The following TXNDC12 variants were observed in gnomAD, a reference collection of about 807,000 sequenced individuals.
The protein encoded by TXNDC12 is thioredoxin domain-containing protein 12.
A neutral mutation model predicts 24.2 loss-of-function variants in TXNDC12; 22 were observed. The observed-to-expected ratio is 0.91, with a 90% CI of 0.65 to 1.30. The LOEUF (loss-of-function observed/expected upper bound fraction) is 1.30. TXNDC12 is among the 50% of genes most tolerant of loss of function. TXNDC12 has a pLI of 0.00. For synonymous variants in TXNDC12, 58 were observed against 73.4 expected, an observed-to-expected ratio of 0.79 and a Z score of 1.07; for missense variants, 184 against 205.8, an observed-to-expected ratio of 0.89 and a Z score of 0.65.
At chr1:52,047,049 A>G (rs975840364) in intron 1 of TXNDC12, among the ~76,000 whole-genome samples, 1 of 151,938 alleles carries the variant, frequency 6.6e-6, no homozygotes, top group Non-Finnish European at 1.5e-5. Context: ...TCTCTAAAAG[A>G]AAAGAATTTT....
intron 2 of TXNDC12, chr1:52,034,095 C>T (rs755902658): frequency 1.6e-6 from 2 of 1,245,540 alleles, no homozygotes; most frequent in Non-Finnish European, 2.0e-6. Flanking sequence ...CTATATTTAG[C>T]ATATAGAAGG....
At chr1:52,032,776 G>A in intron 2 of TXNDC12, 1 of 1,614,216 alleles carries the variant, frequency 6.2e-7, no homozygotes. Context: ...ATGCATTTTA[G>A]TGTACGAAAT....
chr1:52,052,698 T>G (rs967216900), intron 1 of TXNDC12: 4 of 152,570 alleles, frequency 2.6e-5, no homozygotes, highest in Non-Finnish European at 4.4e-5. Context: ...CACTAAATTT[T>G]GGAGTGATTT....
chr1:52,043,731 T>A (rs115742433), intron 1 of TXNDC12, among the ~76,000 whole-genome samples: 203 of 152,354 alleles, frequency 1.3e-3, no homozygotes, highest in African/African-American at 4.5e-3. Context: ...AGAAGTTACA[T>A]CACCTGTACT....
In TXNDC12 at chr1:52,023,572, G is replaced by C. The variant is rs1454666621; in HGVS notation, c.358C>G (p.Pro120Ala). The C allele has an allele frequency of 6.2e-7, 1 of 1,612,674 alleles. No individual in the cohort carries two copies. The highest frequency in any genetic ancestry group is 8.5e-7 in the Non-Finnish European group (1 of 1,178,974). ...GYIPRILFLDPSGKVHPEIIN... is the reference protein window; with the variant it reads ...GYIPRILFLDASGKVHPEIIN... ...ATTTCAGGATGCACCTTGCCACTGG[G>C]ATCTGTTATAGACAAAATGACACAG... is the stretch of plus-strand genomic sequence containing the variant. The change falls in exon 6 of 7, where the codon CCC becomes GCC. Residue 120 changes from proline (P) to alanine (A), a missense_variant and splice_region_variant. Pro to Ala is a conservative substitution (Grantham distance 27). Coordinates refer to ENST00000371626, the MANE Select transcript of TXNDC12 (RefSeq NM_015913.4).
At chr1:52,045,812 A>C (rs998313050) in intron 1 of TXNDC12, among the ~76,000 whole-genome samples, 5 of 152,130 alleles carry the variant, frequency 3.3e-5, no homozygotes, top group Non-Finnish European at 5.9e-5. Flanking sequence ...AGATAAGCTG[A>C]GTGATTTTTC....
chr1:52,046,222 T>C (rs1572010438), intron 1 of TXNDC12, among the ~76,000 whole-genome samples: 1 of 148,380 alleles, frequency 6.7e-6, no homozygotes, highest in East Asian at 2.0e-4. Flanking sequence ...ACACAGTTTG[T>C]GGTACTTTCT....
chr1:52,053,044 G>C (rs1429805294), intron 1 of TXNDC12, among the ~76,000 whole-genome samples: 1 of 149,426 alleles, frequency 6.7e-6, no homozygotes, highest in Non-Finnish European at 1.5e-5. Flanking sequence ...AGGAGTTTGA[G>C]ATCAGCCTGG....
In TXNDC12 at chr1:52,024,530, A is replaced by G; in HGVS notation, c.335T>C (p.Ile112Thr). The G allele has an allele frequency of 3.1e-6, 5 of 1,613,138 alleles. No homozygotes were observed. The highest frequency in any genetic ancestry group is 4.2e-6 in the Non-Finnish European group (5 of 1,179,322). The part of the protein sequence containing the change: ...DEDFSPDGGY[I>T]PRILFLDPSG... ...CTTACCCAGAAAAAGGATTCGTGGA[A>G]TATAACCCCCGTCAGGGCTGAAATC... Residue 112 changes from isoleucine (I) to threonine (T), a missense_variant, in exon 5 of 7, where the codon ATT becomes ACT. Coordinates refer to ENST00000371626, the MANE Select transcript of TXNDC12 (RefSeq NM_015913.4).
At chr1:52,033,185 C>G (rs1359926865) in intron 2 of TXNDC12, 1 of 1,614,252 alleles carries the variant, frequency 6.2e-7, no homozygotes, top group South Asian at 1.1e-5. Context: ...GCAGATTTCT[C>G]TGAATCCGGA....
intron 2 of TXNDC12, chr1:52,033,177 A>C: frequency 6.2e-7 from 1 of 1,614,242 alleles, no homozygotes; most frequent in Non-Finnish European, 8.5e-7. Context: ...CATGCTTTGC[A>C]GATTTCTCTG....
intron 4 of TXNDC12, among the ~76,000 whole-genome samples, chr1:52,025,012 T>G (rs1685652604): frequency 6.6e-6 from 1 of 152,234 alleles, no homozygotes; most frequent in East Asian, 1.9e-4. Context: ...TGACATATTC[T>G]AAAATACTTA....
At chr1:52,033,521 G>A (rs1289040512) in intron 2 of TXNDC12, 2 of 1,613,876 alleles carry the variant, frequency 1.2e-6, no homozygotes. Context: ...ATGTAGTTAA[G>A]CGAGTCCAGG....
chr1:52,037,207 C>CTTTTTTT (rs34590025), intron 2 of TXNDC12, among the ~76,000 whole-genome samples: 1 of 123,554 alleles, frequency 8.1e-6, no homozygotes, highest in Non-Finnish European at 1.7e-5. Flanking sequence ...AATAGACCAC[C>CTTTTTTT]TTTTTTTTTT....
chr1:52,039,609 G>A (rs981322916), intron 2 of TXNDC12, among the ~76,000 whole-genome samples: 7 of 152,204 alleles, frequency 4.6e-5, no homozygotes, highest in Non-Finnish European at 7.3e-5. Flanking sequence ...GGGATTACAG[G>A]TGTGAGCCAC....
chr1:52,035,635 C>T (rs1361159102), intron 2 of TXNDC12, among the ~76,000 whole-genome samples: 1 of 152,090 alleles, frequency 6.6e-6, no homozygotes, highest in African/African-American at 2.4e-5. Flanking sequence ...TTGCTTGAAC[C>T]CGGGATGCGG....
At chr1:52,031,678 A>G (rs769657502) in intron 2 of TXNDC12, among the ~76,000 whole-genome samples, 1 of 152,014 alleles carries the variant, frequency 6.6e-6, no homozygotes, top group African/African-American at 2.4e-5. Context: ...GTTAATAGAG[A>G]CGAGGTTTTG....
At chr1:52,047,485 G>T (rs560417253) in intron 1 of TXNDC12, among the ~76,000 whole-genome samples, 1 of 152,324 alleles carries the variant, frequency 6.6e-6, no homozygotes, top group African/African-American at 2.4e-5. Flanking sequence ...GGTAGGAAAT[G>T]ATCCCAGAGG....
intron 2 of TXNDC12, among the ~76,000 whole-genome samples, chr1:52,031,647 C>T (rs952713980): frequency 6.6e-6 from 1 of 152,176 alleles, no homozygotes; most frequent in Non-Finnish European, 1.5e-5. Flanking sequence ...CACACCATCA[C>T]GCCCAACTAA....
Sources: gnomAD v4.1 joint callset for allele counts (sites outside exome capture counted in the v4.1 genomes callset) on GRCh38, gnomAD v4.1.1 for gene constraint, MANE v1.5 for transcripts, NCBI Gene and HGNC (gene_info 2026-07-23, HGNC 2026-07-21) for gene names.